Variants in ATP11B observed in about 807,000 individuals in gnomAD.
The protein encoded by ATP11B is ATPase phospholipid transporting 11B (putative), also known as phospholipid-transporting ATPase IF.
A neutral mutation model predicts 157.8 loss-of-function variants in ATP11B; 81 were observed. The observed-to-expected ratio is 0.51, with a 90% confidence interval of 0.43 to 0.62. The LOEUF is 0.62. Among genes scored for constraint, ATP11B ranks in the 20% least tolerant of loss-of-function variants. The pLI is 0.00. For missense variants in ATP11B, 1,165 were observed against 1,402.2 expected, an observed-to-expected ratio of 0.83 and a Z score of 2.70; for synonymous variants, 451 against 469.4, an observed-to-expected ratio of 0.96 and a Z score of 0.51.
intron 25 of ATP11B, among the ~76,000 whole-genome samples, chr3:182,893,153 A>G (rs1049139295): frequency 6.6e-5 from 10 of 152,352 alleles, no homozygotes; most frequent in Admixed American, 6.5e-4. Flanking sequence ...TTCACTGAAT[A>G]TGTTGTTTGA....
chr3:182,823,362 TA>T, intron 2 of ATP11B, among the ~76,000 whole-genome samples: 1 of 152,238 alleles, frequency 6.6e-6, no homozygotes, highest in Non-Finnish European at 1.5e-5. Context: ...CACCATTTAT[TA>T]AATAGGGACT....
At chr3:182,855,396 CAATTA>C (rs1474499063) in intron 10 of ATP11B, among the ~76,000 whole-genome samples, 1 of 152,006 alleles carries the variant, frequency 6.6e-6, no homozygotes, top group Non-Finnish European at 1.5e-5. Flanking sequence ...AAAATTAATT[CAATTA>C]GAGTATAGAT....
intron 12 of ATP11B, among the ~76,000 whole-genome samples, chr3:182,861,019 G>GT (rs112523890): frequency 6.6e-6 from 1 of 150,864 alleles, no homozygotes; most frequent in African/African-American, 2.4e-5. Context: ...AAGCCACAGG[G>GT]TTTATGAGAG....
At chr3:182,917,588 A>T in intron 29 of ATP11B, 1 of 985,366 alleles carries the variant, frequency 1.0e-6, no homozygotes, top group Non-Finnish European at 1.2e-6. Flanking sequence ...TATAGCTGAA[A>T]TGAAATGATC....
intron 7 of ATP11B, among the ~76,000 whole-genome samples, chr3:182,839,718 C>A (rs1253681723): frequency 6.6e-6 from 1 of 152,144 alleles, no homozygotes; most frequent in Non-Finnish European, 1.5e-5. Context: ...TCAAGCAATT[C>A]TCCTGCCTTA....
In ATP11B at chr3:182,873,801, G is replaced by C; in HGVS notation, c.2049-11G>C. On this transcript the variant is annotated splice_polypyrimidine_tract_variant and intron_variant, in intron 18 of 29. Coordinates refer to ENST00000323116, the MANE Select transcript of ATP11B (RefSeq NM_014616.3). ...TATTCTCTACTACTAATTTGTTTCT[G>C]TTCTTTTCAGACTACAAGATAAAGT... 1 of 1,610,950 alleles carries C rather than the reference G, an allele frequency of 6.2e-7. No individual in the cohort carries two copies. Among genetic ancestry groups the C allele is most frequent in the Non-Finnish European group, 8.5e-7 (1 of 1,177,426 alleles).
rs1375503699 is a variant in ATP11B at position 182,865,712 on chromosome 3, A to T, written c.1443+14A>T. 6.3e-7 allele frequency: 1 copy of T among 1,580,756 alleles called. No individual in the cohort carries two copies. The highest frequency in any genetic ancestry group is 8.6e-7 in the Non-Finnish European group (1 of 1,163,768). ...GAAACTGAACTAGTAAGTAATTTTT[A>T]AATTAATAAATAAGGGTTTCATATG... On this transcript the variant is annotated intron_variant, in intron 13 of 29. Transcript: ENST00000323116.
intron 1 of ATP11B, among the ~76,000 whole-genome samples, chr3:182,807,671 A>G (rs1453014331): frequency 6.6e-6 from 1 of 152,192 alleles, no homozygotes; most frequent in East Asian, 1.9e-4. Flanking sequence ...TAAGGAAATT[A>G]TGTCATACTT....
intron 28 of ATP11B, among the ~76,000 whole-genome samples, chr3:182,910,398 A>ACACT (rs1184091060): frequency 2.6e-5 from 4 of 152,012 alleles, no homozygotes; most frequent in African/African-American, 9.7e-5. Context: ...CCGTATAGTA[A>ACACT]GACCCTGTCT....
chr3:182,869,723 T>C (rs1480998231), intron 17 of ATP11B, among the ~76,000 whole-genome samples: 6 of 152,126 alleles, frequency 3.9e-5, no homozygotes, highest in Non-Finnish European at 5.9e-5. Flanking sequence ...AAACATTGAG[T>C]TACTATATGA....
intron 12 of ATP11B, among the ~76,000 whole-genome samples, chr3:182,862,116 G>A (rs1203431861): frequency 6.6e-6 from 1 of 151,358 alleles, no homozygotes; most frequent in African/African-American, 2.4e-5. Flanking sequence ...ACAAATACTA[G>A]CTGGAATACA....
At chr3:182,878,983 G>C (rs1259746692) in intron 19 of ATP11B, among the ~76,000 whole-genome samples, 1 of 152,092 alleles carries the variant, frequency 6.6e-6, no homozygotes, top group African/African-American at 2.4e-5. Flanking sequence ...TTGTAAAATT[G>C]AATATTAGGC....
chr3:182,848,525 G>C lies in ATP11B; in HGVS notation c.819G>C (p.Lys273Asn). The C allele has an allele frequency of 6.4e-7, 1 of 1,572,728 alleles. No homozygotes were observed. The highest frequency in any genetic ancestry group is 1.7e-4 in the Middle Eastern group (1 of 5,932). ...AAACTAAGATGGCATTAAATTACAA[G>C]AGCAAATCACAGAAACGATCTGCAG... ...GMETKMALNY[K>N]SKSQKRSAVE... Residue 273 changes from lysine (K) to asparagine (N), a missense_variant, in exon 10 of 30, where the codon AAG becomes AAC. Around this residue, in one of 4 missense-constraint regions of ATP11B, gnomAD observed 737 missense variants for 930.5 expected, o/e 0.79. Transcript: ENST00000323116.
At chr3:182,846,685 C>T (rs1157595327) in intron 9 of ATP11B, among the ~76,000 whole-genome samples, 1 of 151,962 alleles carries the variant, frequency 6.6e-6, no homozygotes, top group East Asian at 1.9e-4. Flanking sequence ...ATGGATGAAC[C>T]CTGAAAATAC....
intron 1 of ATP11B, among the ~76,000 whole-genome samples, chr3:182,810,401 CTTAAAGT>C (rs905131324): frequency 1.3e-5 from 2 of 151,980 alleles, no homozygotes; most frequent in Non-Finnish European, 2.9e-5. Context: ...CATTTCTCTG[CTTAAAGT>C]TTAATTTTCA....
chr3:182,910,723 T>C (rs1724717697), intron 28 of ATP11B, among the ~76,000 whole-genome samples: 1 of 152,218 alleles, frequency 6.6e-6, no homozygotes, highest in South Asian at 2.1e-4. Context: ...TTTCTCCCAG[T>C]TGATTGAGCA....
chr3:182,912,605 CA>C (rs1577121471), intron 28 of ATP11B, among the ~76,000 whole-genome samples: 1 of 152,208 alleles, frequency 6.6e-6, no homozygotes, highest in East Asian at 1.9e-4. Flanking sequence ...TGTCATCAGG[CA>C]GTTGCCAGAT....
chr3:182,907,527 T>C (rs1000408972), intron 28 of ATP11B, among the ~76,000 whole-genome samples: 1 of 152,246 alleles, frequency 6.6e-6, no homozygotes, highest in African/African-American at 2.4e-5. Flanking sequence ...TGAAAAGATA[T>C]TCAAAAGAAT....
chr3:182,909,168 A>G (rs1339015443), intron 28 of ATP11B, among the ~76,000 whole-genome samples: 1 of 152,252 alleles, frequency 6.6e-6, no homozygotes, highest in Non-Finnish European at 1.5e-5. Context: ...TTGTATAAGC[A>G]ATAAGAAATG....
Sources: allele counts gnomAD v4.1 joint callset (sites outside exome capture counted in the v4.1 genomes callset), GRCh38; gene constraint gnomAD v4.1.1; regional missense constraint gnomAD v4.1.1; transcripts MANE v1.5; gene names NCBI Gene and HGNC (gene_info 2026-07-23, HGNC 2026-07-21).